The following LAMA1 variants were observed in gnomAD, a reference collection of about 807,000 sequenced individuals.
LAMA1 encodes the protein laminin subunit alpha 1.
Under a neutral mutation model 348.7 loss-of-function variants are expected in LAMA1, and 219 were observed. The ratio of observed to expected loss-of-function variants is 0.63; its 90% CI spans 0.56 to 0.70. LAMA1 has a LOEUF of 0.70. Among genes scored for constraint, LAMA1 ranks in the 30% least tolerant of loss-of-function variants. The probability of loss-of-function intolerance (pLI) is 0.00; values close to 1 mark genes in which losing one functional copy is unlikely to be tolerated. For synonymous variants in LAMA1, 1,487 were observed against 1,491.0 expected (o/e 1.00, Z 0.06); for missense variants, 3,744 against 3,888.0 (o/e 0.96, Z 0.99).
chr18:6,951,788 C>T (rs1352332741), intron 57 of LAMA1, among the ~76,000 whole-genome samples: 1 of 152,144 alleles, frequency 6.6e-6, no homozygotes, highest in African/African-American at 2.4e-5. Flanking sequence ...GAAGAAGCAA[C>T]AGGATTTGCC....
intron 1 of LAMA1, among the ~76,000 whole-genome samples, chr18:7,087,416 T>C (rs139814255): frequency 1.2e-4 from 18 of 152,346 alleles, no homozygotes; most frequent in African/African-American, 4.3e-4. Flanking sequence ...CCACGCCATC[T>C]TGGCTCAGGA....
At chr18:7,006,887 C>A (rs2057834510) in intron 29 of LAMA1, among the ~76,000 whole-genome samples, 1 of 152,194 alleles carries the variant, frequency 6.6e-6, no homozygotes, top group Non-Finnish European at 1.5e-5. Flanking sequence ...TTATTTGGTG[C>A]ACGACTATAA....
At chr18:6,947,876 G>T (rs554574316) in intron 60 of LAMA1, among the ~76,000 whole-genome samples, 1 of 152,294 alleles carries the variant, frequency 6.6e-6, no homozygotes, top group Non-Finnish European at 1.5e-5. Context: ...GGAGAAGATG[G>T]TATGCCCAGA....
chr18:7,106,393 C>T (rs2058311864), intron 1 of LAMA1, among the ~76,000 whole-genome samples: 1 of 150,438 alleles, frequency 6.6e-6, no homozygotes, highest in Non-Finnish European at 1.5e-5. Flanking sequence ...CAGAGTCTCA[C>T]TCTGTCGCCA....
chr18:6,982,822 G>A (rs1443929202), intron 40 of LAMA1, among the ~76,000 whole-genome samples: 4 of 152,190 alleles, frequency 2.6e-5, no homozygotes, highest in Non-Finnish European at 5.9e-5. Context: ...CATGGTTATA[G>A]AAAAATGTCT....
intron 9 of LAMA1, 111 bp downstream of exon 9, chr18:7,042,034 A>G (rs2058022588): frequency 2.5e-6 from 2 of 795,882 alleles, no homozygotes; most frequent in South Asian, 2.9e-5. Flanking sequence ...GGTGAACAAA[A>G]GAATCAATAA....
chr18:6,975,551 A>C (rs912372463), intron 45 of LAMA1, among the ~76,000 whole-genome samples: 4 of 152,224 alleles, frequency 2.6e-5, no homozygotes, highest in African/African-American at 7.2e-5. Context: ...TCTCACTGGC[A>C]CAGCCAAGGT....
chr18:7,087,468 C>A (rs1333895785), intron 1 of LAMA1, among the ~76,000 whole-genome samples: 1 of 152,176 alleles, frequency 6.6e-6, no homozygotes, highest in African/African-American at 2.4e-5. Context: ...CCAGCCGATG[C>A]CCATGGCAAC....
At chr18:7,040,051 G>A in intron 10 of LAMA1, 25 bp downstream of exon 10, 1 of 1,613,138 alleles carries the variant, frequency 6.2e-7, no homozygotes, top group Non-Finnish European at 8.5e-7. Context: ...GGAAGCTCAG[G>A]GGTGTCTCTG....
chr18:7,086,386 C>T (rs1412413518), intron 1 of LAMA1, among the ~76,000 whole-genome samples: 1 of 152,252 alleles, frequency 6.6e-6, no homozygotes, highest in Non-Finnish European at 1.5e-5. Flanking sequence ...ACTGACTCCT[C>T]TCCATGCTCT....
chr18:7,058,465 C>T (rs1013695223), intron 3 of LAMA1, among the ~76,000 whole-genome samples: 2 of 152,104 alleles, frequency 1.3e-5, no homozygotes, highest in Admixed American at 6.5e-5. Context: ...AACTGTTTCC[C>T]GCAAAAGTCA....
chr18:7,025,821 A>G (rs914410685), intron 17 of LAMA1, among the ~76,000 whole-genome samples, 158 bp downstream of exon 17: 68 of 152,196 alleles, frequency 4.5e-4, no homozygotes, highest in African/African-American at 1.5e-3. Context: ...GTTTACAAGA[A>G]AATAACCCAC....
chr18:7,069,706 C>T (rs115324860), intron 3 of LAMA1, among the ~76,000 whole-genome samples: 2,081 of 152,276 alleles, frequency 0.014, 42 homozygotes, highest in African/African-American at 0.047. Flanking sequence ...AAAGACCACA[C>T]GGAGACGCCC....
rs571209022 is a variant in LAMA1 at position 7,002,273 on chromosome 18, G to A, written c.4373C>T (p.Pro1458Leu). Residue 1458 changes from proline (P) to leucine (L), a missense_variant, in exon 30 of 63, where the codon CCT (proline) becomes CTT (leucine). By Grantham distance (98) the Pro-to-Leu change is moderately conservative. Around this residue, in one of 3 missense-constraint regions of LAMA1, gnomAD observed 1,983 missense variants for 1,934.3 expected, o/e 1.03. Transcript: ENST00000389658. ...CCCTGTGGGGACTCACCTGGCAGGA[G>A]GGCTGTGAGGACAGGCACACAGAGC... ...DCALCACPHS[P>L]PASFSPTCVL... 4 of 1,612,054 alleles carry A rather than the reference G, an allele frequency of 2.5e-6. No homozygotes were observed. The highest frequency in any genetic ancestry group is 3.4e-6 in the Non-Finnish European group (4 of 1,179,944).
In LAMA1 at chr18:6,977,713, G is replaced by T; in HGVS notation, c.6345+14C>A. 1 of 1,613,854 alleles carries T rather than the reference G, an allele frequency of 6.2e-7. No individual in the cohort carries two copies. On this transcript the variant is annotated intron_variant, in intron 44 of 62. Transcript: ENST00000389658. Reference sequence around the variant, plus strand: ...GAGAGCCCAGTTACGAAAGCCACGGGGCCCCAAACTCACAGAAGCTGCTTG... The same window carrying T: ...GAGAGCCCAGTTACGAAAGCCACGGTGCCCCAAACTCACAGAAGCTGCTTG...
At chr18:6,957,202 C>G in intron 55 of LAMA1, 1 of 283,262 alleles carries the variant, frequency 3.5e-6, no homozygotes, top group Non-Finnish European at 6.9e-6. Flanking sequence ...CATGCACTTT[C>G]ACTCTGCAGC....
rs537085528 is a variant in LAMA1, at chr18:6,992,811, C to T, written c.5009-91G>A. 1.4e-5 allele frequency: 15 copies of T among 1,079,174 alleles called. No homozygotes were observed. In the East Asian group the frequency reaches 3.4e-4, roughly 25 times the overall value. 66.8% of individuals were successfully genotyped at this position (1,079,174 alleles called of 1,614,324 possible). On this transcript the variant is annotated intron_variant, in intron 35 of 62. Transcript: ENST00000389658. ...TTAGAAACTTCTCTGCTGAGGACTGCTCTGTTTACCTAAGCTGAGTTGGAC... is the reference window on the plus strand; with the variant it reads ...TTAGAAACTTCTCTGCTGAGGACTGTTCTGTTTACCTAAGCTGAGTTGGAC...
chr18:7,080,528 T>A (rs2058189137), intron 1 of LAMA1, 71 bp from the exon 2 acceptor site: 1 of 1,499,626 alleles, frequency 6.7e-7, no homozygotes, highest in Admixed American at 1.9e-5. Flanking sequence ...CCATCCCACT[T>A]GGTAGGTGAA....
rs1269467110 is a variant in LAMA1, at chr18:7,104,550, C to T, written c.61+13110G>A. ...AGTGCCATAGGTGAAATGAAGCTCC[C>T]GTGATGGAACTACAGATATCACAGA... On this transcript the variant is annotated intron_variant, in intron 1 of 62. Transcript: ENST00000389658. 2.0e-5 allele frequency among the ~76,000 whole-genome samples: 3 copies of T among 152,124 alleles called. No homozygotes were observed. In the South Asian group the frequency reaches 6.2e-4, roughly 32 times the overall value.
Sources: allele counts gnomAD v4.1 joint callset (sites outside exome capture counted in the v4.1 genomes callset), GRCh38; gene constraint gnomAD v4.1.1; regional missense constraint gnomAD v4.1.1; transcripts MANE v1.5; gene names NCBI Gene and HGNC (gene_info 2026-07-23, HGNC 2026-07-21).